The following PLEKHA8 variants were observed in gnomAD, a reference collection of about 807,000 sequenced individuals.
PLEKHA8 encodes the protein pleckstrin homology domain containing A8, also known as pleckstrin homology domain-containing family A member 8.
PLEKHA8 carries 36 observed loss-of-function variants against 68.2 expected under a neutral mutation model. The observed-to-expected ratio is 0.53, with a 90% CI of 0.40 to 0.70. The LOEUF (loss-of-function observed/expected upper bound fraction) is 0.70. Ranked by LOEUF, PLEKHA8 falls within the 30% of genes least tolerant of loss-of-function variation. The pLI is 0.00. For synonymous variants in PLEKHA8, 211 were observed against 216.1 expected, an observed-to-expected ratio of 0.98 and a Z score of 0.20; for missense variants, 505 against 615.4, an observed-to-expected ratio of 0.82 and a Z score of 1.90.
intron 13 of PLEKHA8, chr7:30,118,069 A>T (rs1022119898): frequency 8.1e-6 from 12 of 1,475,140 alleles, no homozygotes; most frequent in African/African-American, 7.2e-5. Context: ...ATGAGACAGG[A>T]TGCATCACAT....
chr7:30,128,967 A>G (rs1392991171), intron 13 of PLEKHA8, among the ~76,000 whole-genome samples: 1 of 152,164 alleles, frequency 6.6e-6, no homozygotes. Context: ...GATGGCCCCA[A>G]GCCATTCATG....
chr7:30,082,742 T>G lies in PLEKHA8; in HGVS notation c.*3955T>G, dbSNP rs1795003035. 30 of 985,042 alleles carry G rather than the reference T, an allele frequency of 3.0e-5. No individual in the cohort carries two copies. The highest frequency in any genetic ancestry group is 4.7e-5 in the South Asian group (1 of 21,284). The allele number at this position is 985,042 out of a possible 1,614,324, so 61.0% of individuals were successfully genotyped here. A position where few individuals can be genotyped will look rare whatever the true frequency, so the allele number is the denominator to read the frequency against. On this transcript the variant is annotated 3_prime_UTR_variant, in exon 14 of 14. Coordinates refer to ENST00000449726, the MANE Select transcript of PLEKHA8 (RefSeq NM_001197026.2). The stretch of plus-strand genomic sequence containing the variant: ...GAAGTGAGGGAAAGAGGAGCCAAAG[T>G]AAGAGATTTTTTTTTAAGGAAACTT...
chr7:30,072,955 A>G (rs1794351360), intron 12 of PLEKHA8, among the ~76,000 whole-genome samples: 1 of 152,212 alleles, frequency 6.6e-6, no homozygotes, highest in Non-Finnish European at 1.5e-5. Flanking sequence ...CCTCCTGAGA[A>G]TGCATTTAAT....
intron 1 of PLEKHA8, among the ~76,000 whole-genome samples, chr7:30,030,007 C>G (rs1583751937): frequency 6.6e-6 from 1 of 152,192 alleles, no homozygotes; most frequent in East Asian, 1.9e-4. Context: ...TTCTTGTTTG[C>G]GTCAAGGACC....
chr7:30,040,720 C>T (rs575422887), intron 1 of PLEKHA8, among the ~76,000 whole-genome samples: 1 of 152,234 alleles, frequency 6.6e-6, no homozygotes, highest in African/African-American at 2.4e-5. Flanking sequence ...TAATACAAAG[C>T]GTATGAAATT....
chr7:30,128,307 A>G (rs1177250961), intron 13 of PLEKHA8, among the ~76,000 whole-genome samples: 1 of 152,024 alleles, frequency 6.6e-6, no homozygotes, highest in Non-Finnish European at 1.5e-5. Context: ...AGGTCTCACT[A>G]TGTTGCCCAG....
chr7:30,031,571 T>G (rs1481177280), intron 1 of PLEKHA8, among the ~76,000 whole-genome samples: 1 of 152,082 alleles, frequency 6.6e-6, no homozygotes, highest in Non-Finnish European at 1.5e-5. Flanking sequence ...TGCGGGAGGC[T>G]AGATATTTCA....
chr7:30,037,189 T>G (rs1474627042), intron 1 of PLEKHA8, among the ~76,000 whole-genome samples: 1 of 152,248 alleles, frequency 6.6e-6, no homozygotes, highest in Non-Finnish European at 1.5e-5. Flanking sequence ...TAATATATGA[T>G]ATGATAATAT....
At chr7:30,076,211 T>G (rs896341901) in intron 13 of PLEKHA8, among the ~76,000 whole-genome samples, 4 of 152,138 alleles carry the variant, frequency 2.6e-5, no homozygotes, top group African/African-American at 9.7e-5. Context: ...CATTATCATT[T>G]TTAAATGCCA....
chr7:30,119,679 T>C (rs1482933176), intron 13 of PLEKHA8, among the ~76,000 whole-genome samples: 1 of 152,226 alleles, frequency 6.6e-6, no homozygotes, highest in Admixed American at 6.5e-5. Context: ...AGACACATTT[T>C]ATTACAATGA....
chr7:30,097,546 A>G (rs546631788), intron 13 of PLEKHA8, among the ~76,000 whole-genome samples: 1 of 151,994 alleles, frequency 6.6e-6, no homozygotes, highest in South Asian at 2.1e-4. Context: ...TTTTTTCTCT[A>G]ACCTTCTCTT....
chr7:30,082,446 C>T lies in PLEKHA8; in HGVS notation c.*3659C>T, dbSNP rs371400224. 2 of 985,310 alleles carry T rather than the reference C, an allele frequency of 2.0e-6. No individual in the cohort carries two copies. Among genetic ancestry groups the T allele is most frequent in the South Asian group, 4.7e-5 (1 of 21,276 alleles). 61.0% of individuals were successfully genotyped at this position (985,310 alleles called of 1,614,324 possible). A position where few individuals can be genotyped will look rare whatever the true frequency, so the allele number is the denominator to read the frequency against. Reference sequence around the variant, plus strand: ...CAGTGGGGATTCTGTTCCCCCACCCCCCAGACTGCAAGAGCTTCTTAAGAA... The same window carrying T: ...CAGTGGGGATTCTGTTCCCCCACCCTCCAGACTGCAAGAGCTTCTTAAGAA... On this transcript the variant is annotated 3_prime_UTR_variant, in exon 14 of 14. Coordinates refer to ENST00000449726, the MANE Select transcript of PLEKHA8 (RefSeq NM_001197026.2).
intron 13 of PLEKHA8, among the ~76,000 whole-genome samples, chr7:30,119,531 G>A (rs1232259267): frequency 2.0e-5 from 3 of 152,264 alleles, no homozygotes; most frequent in East Asian, 1.9e-4. Context: ...TAAATGCTCC[G>A]AATTGGAAGT....
At chr7:30,064,994 A>G (rs1793724171) in intron 12 of PLEKHA8, among the ~76,000 whole-genome samples, 1 of 152,126 alleles carries the variant, frequency 6.6e-6, no homozygotes. Context: ...CATAGAAAGG[A>G]AACAGGATAT....
chr7:30,069,675 T>C (rs1057162009), intron 12 of PLEKHA8: 1 of 152,240 alleles, frequency 6.6e-6, no homozygotes, highest in African/African-American at 2.4e-5. Flanking sequence ...TTTATTACAT[T>C]GTTTACAGAG....
At chr7:30,032,851 G>T (rs1379311198) in intron 1 of PLEKHA8, among the ~76,000 whole-genome samples, 1 of 152,252 alleles carries the variant, frequency 6.6e-6, no homozygotes, top group Non-Finnish European at 1.5e-5. Context: ...GGCTGCTGTT[G>T]TGAACTCCAG....
At chr7:30,121,522 G>T (rs1193274468) in intron 13 of PLEKHA8, among the ~76,000 whole-genome samples, 1 of 152,146 alleles carries the variant, frequency 6.6e-6, no homozygotes, top group East Asian at 1.9e-4. Flanking sequence ...CCAGCTACTT[G>T]GGGGGCTGAG....
chr7:30,078,517 A>C, intron 13 of PLEKHA8, 73 bp from the exon 14 acceptor site: 1 of 1,480,256 alleles, frequency 6.8e-7, no homozygotes, highest in East Asian at 2.3e-5. Context: ...GTGTGTGTGC[A>C]TGTGCACATG....
At chr7:30,044,159 G>C (rs1045168489) in intron 1 of PLEKHA8, among the ~76,000 whole-genome samples, 1 of 151,332 alleles carries the variant, frequency 6.6e-6, no homozygotes, top group African/African-American at 2.4e-5. Context: ...GGCACTTGCC[G>C]CCACGCCCAG....
Sources: allele counts gnomAD v4.1 joint callset (sites outside exome capture counted in the v4.1 genomes callset), GRCh38; gene constraint gnomAD v4.1.1; transcripts MANE v1.5; gene names NCBI Gene and HGNC (gene_info 2026-07-23, HGNC 2026-07-21).